The following COLGALT1 variants were observed in gnomAD, a reference collection of about 807,000 sequenced individuals.
COLGALT1 encodes the protein procollagen galactosyltransferase 1.
A neutral mutation model predicts 60.8 loss-of-function variants in COLGALT1; 43 were observed. The ratio of observed to expected loss-of-function variants is 0.71; its 90% CI spans 0.55 to 0.91. COLGALT1 has a LOEUF of 0.91. Among genes scored for constraint, COLGALT1 ranks in the 40% least tolerant of loss-of-function variants. COLGALT1 has a pLI of 0.00. For synonymous variants in COLGALT1, 369 were observed against 374.2 expected (o/e 0.99, Z 0.16); for missense variants, 845 against 880.0 (o/e 0.96, Z 0.50).
At chr19:17,574,545 G>T (rs550688795) in intron 6 of COLGALT1, among the ~76,000 whole-genome samples, 1 of 152,200 alleles carries the variant, frequency 6.6e-6, no homozygotes, top group East Asian at 1.9e-4. Context: ...AGCCAGGCTG[G>T]CCTCGAACTC....
At chr19:17,569,392 C>T (rs910128735) in intron 5 of COLGALT1, among the ~76,000 whole-genome samples, 5 of 151,926 alleles carry the variant, frequency 3.3e-5, no homozygotes, top group African/African-American at 7.3e-5. Context: ...TGATCAACCC[C>T]AAATGTTATT....
chr19:17,577,618 A>C, intron 8 of COLGALT1, 151 bp downstream of exon 8: 2 of 757,464 alleles, frequency 2.6e-6, no homozygotes, highest in African/African-American at 1.8e-5. Flanking sequence ...GGGGAAGTGA[A>C]TGGGACCCTG....
chr19:17,574,753 G>T (rs1308597714), intron 6 of COLGALT1, among the ~76,000 whole-genome samples: 1 of 152,156 alleles, frequency 6.6e-6, no homozygotes, highest in Non-Finnish European at 1.5e-5. Flanking sequence ...CTACAGTTGG[G>T]GGTGGTGGGT....
chr19:17,560,797 A>G (rs1331461743), intron 3 of COLGALT1, among the ~76,000 whole-genome samples: 5 of 151,846 alleles, frequency 3.3e-5, no homozygotes, highest in African/African-American at 4.8e-5. Context: ...AAGTGCCGCA[A>G]TATCGGCTCA....
intron 9 of COLGALT1, 99 bp from the exon 10 acceptor site, chr19:17,579,383 C>T: frequency 1.3e-6 from 2 of 1,533,328 alleles, no homozygotes; most frequent in Non-Finnish European, 8.9e-7. Flanking sequence ...GCACTGGCTT[C>T]TCTACGGGTC....
chr19:17,581,344 A>C lies in COLGALT1; in HGVS notation c.1769A>C (p.Lys590Thr). Residue 590 changes from lysine (K) to threonine (T), a missense_variant, in exon 12 of 12, where the codon AAG becomes ACG. Physicochemically the swap from Lys to Thr is moderately conservative, Grantham distance 78 (BLOSUM62 -1). Transcript: ENST00000252599. ...GTCAAGACCGACTGGGACCGCGCCA[A>C]GTCCCAGAAGATGCGGGAGCAGCAG... ...EHVKTDWDRA[K>T]SQKMREQQAL... The C allele has an allele frequency of 6.2e-7, 1 of 1,613,472 alleles. No homozygotes were observed. Among genetic ancestry groups the C allele is most frequent in the Non-Finnish European group, 8.5e-7 (1 of 1,179,996 alleles).
intron 10 of COLGALT1, 54 bp downstream of exon 10, chr19:17,579,663 C>G: frequency 7.9e-6 from 2 of 252,262 alleles, no homozygotes; most frequent in Non-Finnish European, 1.3e-5. Flanking sequence ...AAGGCCAGGA[C>G]TTAGAGGTGG....
rs770940424 is a variant in COLGALT1 at position 17,572,567 on chromosome 19, C to T, written c.914C>T (p.Ala305Val). Residue 305 changes from alanine (A) to valine (V), a missense_variant, in exon 6 of 12, where the codon GCC becomes GTC. Ala to Val is a moderately conservative substitution (Grantham distance 64). Coordinates refer to ENST00000252599, the MANE Select transcript of COLGALT1 (RefSeq NM_024656.4). ...LRAHSTLQDE[A>V]ESFMHVQLEV... ...GCCCACAGCACCCTCCAGGATGAGGCCGAGAGCTTCATGCATGTGCAGCTG... is the reference window on the plus strand; with the variant it reads ...GCCCACAGCACCCTCCAGGATGAGGTCGAGAGCTTCATGCATGTGCAGCTG... The T allele has an allele frequency of 1.2e-6, 2 of 1,614,134 alleles. No homozygotes were observed. Among genetic ancestry groups the T allele is most frequent in the South Asian group, 1.1e-5 (1 of 91,092 alleles).
In COLGALT1 at chr19:17,559,296, C is replaced by T. The variant is rs1399401147; in HGVS notation, c.261-15C>T. On this transcript the variant is annotated splice_polypyrimidine_tract_variant and intron_variant, in intron 1 of 11. Transcript: ENST00000252599. ...CAGTCTCCCCAAGTACGCTGCCTGT[C>T]CCCTCTCCCTGCAGGGTGGCTACGG... 4 of 1,544,216 alleles carry T rather than the reference C, an allele frequency of 2.6e-6. No individual in the cohort carries two copies. Among genetic ancestry groups the T allele is most frequent in the Non-Finnish European group, 3.5e-6 (4 of 1,140,312 alleles).
intron 1 of COLGALT1, among the ~76,000 whole-genome samples, chr19:17,556,939 G>A (rs2076215716): frequency 6.6e-6 from 1 of 152,078 alleles, no homozygotes; most frequent in African/African-American, 2.4e-5. Flanking sequence ...AAGAAAATGA[G>A]CGTATTAATA....
intron 2 of COLGALT1, 141 bp downstream of exon 2, chr19:17,559,562 A>G: frequency 1.5e-6 from 1 of 654,616 alleles, no homozygotes; most frequent in Non-Finnish European, 2.7e-6. Flanking sequence ...AGCTACTCTG[A>G]GCCTCCCTCA....
chr19:17,557,506 T>C (rs907525019), intron 1 of COLGALT1, among the ~76,000 whole-genome samples: 4 of 152,220 alleles, frequency 2.6e-5, no homozygotes, highest in African/African-American at 7.2e-5. Flanking sequence ...TTCACCATTG[T>C]GGCCAGGCTT....
At chr19:17,573,498 C>T (rs2076324304) in intron 6 of COLGALT1, among the ~76,000 whole-genome samples, 1 of 151,980 alleles carries the variant, frequency 6.6e-6, no homozygotes, top group Non-Finnish European at 1.5e-5. Flanking sequence ...CACTGCACTT[C>T]AGCCTGGCAA....
At chr19:17,573,620 C>T (rs2076325004) in intron 6 of COLGALT1, among the ~76,000 whole-genome samples, 1 of 152,130 alleles carries the variant, frequency 6.6e-6, no homozygotes, top group South Asian at 2.1e-4. Flanking sequence ...ATCCTTTGAG[C>T]CCAGGAGTTG....
rs2303799 is a variant in COLGALT1, at chr19:17,582,397, T to C, written c.*953T>C. On this transcript the variant is annotated 3_prime_UTR_variant, in exon 12 of 12. Transcript: ENST00000252599. ...GAATGGGAGTAAACAAGGTACTTTT[T>C]ACTTTTTTCTTTTTTTCCTCACTGC... 0.35 allele frequency: 53,140 copies of C among 152,120 alleles called. 10,465 individuals are homozygous for C. The highest frequency in any genetic ancestry group is 0.44 in the Non-Finnish European group (29,889 of 67,982). The allele number at this position is 152,120 out of a possible 1,614,324, so 9.4% of individuals were successfully genotyped here.
At chr19:17,557,854 G>A (rs866850769) in intron 1 of COLGALT1, among the ~76,000 whole-genome samples, 1 of 152,168 alleles carries the variant, frequency 6.6e-6, no homozygotes, top group African/African-American at 2.4e-5. Flanking sequence ...TGCCCACCTC[G>A]GCCTCCCAAC....
At chr19:17,579,674 GGGTGGGGGCAGGGTGGA>G in intron 10 of COLGALT1, 65 bp downstream of exon 10, 1 of 1,529,776 alleles carries the variant, frequency 6.5e-7, no homozygotes, top group Non-Finnish European at 8.9e-7. Flanking sequence ...TTAGAGGTGG[GGGTGGGGGCAGGGTGGA>G]GCTGGGACCT....
In COLGALT1 at chr19:17,582,624, G is replaced by C. The variant is rs1458061356; in HGVS notation, c.*1180G>C. ...CTTCTTCATGCCACAAGTGTTTATT[G>C]AGCACCTGTGTGCCAGGCCTCACAG... On this transcript the variant is annotated 3_prime_UTR_variant, in exon 12 of 12. Transcript: ENST00000252599. 6.6e-6 allele frequency: 1 copy of C among 152,178 alleles called. No homozygotes were observed. The highest frequency in any genetic ancestry group is 1.5e-5 in the Non-Finnish European group (1 of 68,038). The allele number at this position is 152,178 out of a possible 1,614,324, so 9.4% of individuals were successfully genotyped here.
chr19:17,577,398 G>A lies in COLGALT1; in HGVS notation c.1064G>A (p.Arg355Gln), dbSNP rs1463245724. The A allele has an allele frequency of 6.3e-7, 1 of 1,579,790 alleles. No individual in the cohort carries two copies. Among genetic ancestry groups the A allele is most frequent in the Non-Finnish European group, 8.6e-7 (1 of 1,167,376 alleles). ...AACCTGAGGCGGCGGCAGGACCGGCGGGAGCGCATGCTGCGGGCGCTGCAG... is the reference window on the plus strand; with the variant it reads ...AACCTGAGGCGGCGGCAGGACCGGCAGGAGCGCATGCTGCGGGCGCTGCAG... The part of the protein sequence containing the change: ...MINLRRRQDR[R>Q]ERMLRALQAQ... The change falls in exon 8 of 12, where the codon CGG becomes CAG. Residue 355 changes from arginine to glutamine, a missense_variant. By Grantham distance (43) the Arg-to-Gln change is conservative. Transcript: ENST00000252599.
Sources: allele counts gnomAD v4.1 joint callset (sites outside exome capture counted in the v4.1 genomes callset), GRCh38; gene constraint gnomAD v4.1.1; transcripts MANE v1.5; gene names NCBI Gene and HGNC (gene_info 2026-07-23, HGNC 2026-07-21).